Variants in F11 observed in about 807,000 individuals in gnomAD.
F11 encodes coagualtion factor XI.
F11 carries 78 observed loss-of-function variants against 76.5 expected under a neutral mutation model. The observed-to-expected ratio is 1.02, with a 90% CI of 0.85 to 1.23. The LOEUF is 1.23. Among genes scored for constraint, F11 ranks in the 50% most tolerant of loss-of-function variants. The pLI, the probability that F11 is intolerant of heterozygous loss-of-function variation, is 0.00. For synonymous variants in F11, 278 were observed against 276.3 expected, an observed-to-expected ratio of 1.01 and a Z score of -0.06; for missense variants, 742 against 771.4, an observed-to-expected ratio of 0.96 and a Z score of 0.45.
At position 186,286,258 on chromosome 4, in the gene F11, G is replaced by A. The variant is rs759892507; in HGVS notation, c.1481-157G>A. The A allele has an allele frequency of 4.7e-4, 331 of 710,748 alleles. 1 individual carries two copies. Among genetic ancestry groups the A allele is most frequent in the Non-Finnish European group, 6.9e-4 (282 of 409,540 alleles). 44.0% of individuals were successfully genotyped at this position (710,748 alleles called of 1,614,324 possible). ...CTCATCCTGGCACATGTGCGATATC[G>A]TGCTGAACCTGAGGGAGGAAAATAC... On this transcript the variant is annotated intron_variant, in intron 12 of 14. Coordinates refer to ENST00000403665, the MANE Select transcript of F11 (RefSeq NM_000128.4).
intron 4 of F11, among the ~76,000 whole-genome samples, chr4:186,273,663 G>A (rs1274352488): frequency 6.6e-6 from 1 of 152,140 alleles, no homozygotes; most frequent in Non-Finnish European, 1.5e-5. Context: ...GTATTGCCCA[G>A]GCTGGTCTCA....
rs1356438551 is a variant in F11, at chr4:186,269,862, TG to T, written c.56-1745del. On this transcript the variant is annotated intron_variant, in intron 2 of 14. Coordinates refer to ENST00000403665, the MANE Select transcript of F11 (RefSeq NM_000128.4). The stretch of plus-strand genomic sequence containing the variant: ...ATCAAAACTTTAAATAAACTGGAAA[TG>T]GAAGAGAACTTTCATCAGCTATTAA... 4.6e-5 allele frequency among the ~76,000 whole-genome samples: 7 copies of T among 152,134 alleles called. No individual in the cohort carries two copies. In the South Asian group the frequency reaches 8.3e-4, roughly 18 times the overall value.
downstream of F11, among the ~76,000 whole-genome samples, chr4:186,290,596 A>G (rs1424625043): frequency 6.6e-6 from 1 of 152,210 alleles, no homozygotes; most frequent in Non-Finnish European, 1.5e-5. Flanking sequence ...TGTTTTTAGT[A>G]TTTCACTTTG....
chr4:186,272,449 G>T (rs1483265614), intron 3 of F11, among the ~76,000 whole-genome samples: 1 of 152,106 alleles, frequency 6.6e-6, no homozygotes, highest in Non-Finnish European at 1.5e-5. Context: ...GCATTGGGTG[G>T]TTTGTCAGGT....
intron 6 of F11, 34 bp from the exon 7 acceptor site, chr4:186,276,197 A>G: frequency 6.2e-7 from 1 of 1,613,878 alleles, no homozygotes; most frequent in Non-Finnish European, 8.5e-7. Context: ...TAGCTGGTGA[A>G]TTGAGTCCCT....
chr4:186,272,499 C>T (rs1350316355), intron 3 of F11, among the ~76,000 whole-genome samples: 2 of 152,166 alleles, frequency 1.3e-5, no homozygotes, highest in Non-Finnish European at 2.9e-5. Context: ...TTTGTATTCC[C>T]ATCCTGAGCT....
At chr4:186,285,207 C>G (rs1296740980) in intron 11 of F11, among the ~76,000 whole-genome samples, 2 of 152,110 alleles carry the variant, frequency 1.3e-5, no homozygotes, top group Non-Finnish European at 2.9e-5. Context: ...AACTCAAGAA[C>G]ACATGTGAGG....
At chr4:186,279,660 G>A (rs761581933) in intron 7 of F11, among the ~76,000 whole-genome samples, 1 of 152,154 alleles carries the variant, frequency 6.6e-6, no homozygotes, top group Non-Finnish European at 1.5e-5. Context: ...TTGCAACCCT[G>A]GATAGGAGGT....
In F11 at chr4:186,287,720, C is replaced by G; in HGVS notation, c.1613C>G (p.Pro538Arg). 6.2e-7 allele frequency: 1 copy of G among 1,613,036 alleles called. No homozygotes were observed. Among genetic ancestry groups the G allele is most frequent in the South Asian group, 1.1e-5 (1 of 91,034 alleles). ...AATACTCTCCAGAAAGCCAAGATAC[C>G]CTTAGTGACCAACGAAGAGTGCCAG... ...IQNTLQKAKI[P>R]LVTNEECQKR... The change falls in exon 14 of 15, where the codon CCC becomes CGC. Residue 538 changes from proline (P) to arginine (R), a missense_variant. Coordinates refer to ENST00000403665, the MANE Select transcript of F11 (RefSeq NM_000128.4).
chr4:186,272,474 A>G (rs1266165244), intron 3 of F11, among the ~76,000 whole-genome samples: 1 of 152,186 alleles, frequency 6.6e-6, no homozygotes, highest in Admixed American at 6.5e-5. Flanking sequence ...AACATTTTAA[A>G]CAGTCCACCA....
At chr4:186,288,176 T>C (rs1246760863) in intron 14 of F11, among the ~76,000 whole-genome samples, 2 of 151,884 alleles carry the variant, frequency 1.3e-5, no homozygotes, top group African/African-American at 4.8e-5. Flanking sequence ...CCTCCCAAAG[T>C]GCTGGGATTA....
At chr4:186,285,452 G>A (rs1741122598) in intron 11 of F11, among the ~76,000 whole-genome samples, 186 bp from the exon 12 acceptor site, 2 of 151,958 alleles carry the variant, frequency 1.3e-5, no homozygotes, top group Non-Finnish European at 2.9e-5. Context: ...GTGTATAATG[G>A]ATTTTCTTTA....
At chr4:186,283,351 G>A (rs919035814) in intron 10 of F11, among the ~76,000 whole-genome samples, 4 of 152,086 alleles carry the variant, frequency 2.6e-5, no homozygotes, top group Middle Eastern at 3.4e-3. Context: ...TTCTTGTGTC[G>A]GGCATCCAGT....
Position 186,280,695 on chromosome 4 carries a change from A to C in F11, c.1135+115A>C. On this transcript the variant is annotated intron_variant, in intron 10 of 14. Transcript: ENST00000403665. ...AAGGGAGAACATTCAGGAAATAACA[A>C]ATTTTGCAATTTTCTATTATTTTCA... 3 of 977,102 alleles carry C rather than the reference A, an allele frequency of 3.1e-6. No homozygotes were observed. In the South Asian group the frequency reaches 4.2e-5, roughly 14 times the overall value. The allele number at this position is 977,102 out of a possible 1,614,324, so 60.5% of individuals were successfully genotyped here.
In F11 at chr4:186,280,346, T is replaced by G. The variant is rs746993032; in HGVS notation, c.989T>G (p.Phe330Cys). 2 of 1,614,070 alleles carry G rather than the reference T, an allele frequency of 1.2e-6. No individual in the cohort carries two copies. The highest frequency in any genetic ancestry group is 2.2e-5 in the South Asian group (2 of 91,078). ...LCTNAVRCQF[F>C]TYTPAQASCN... ...ACCAATGCCGTCCGCTGCCAGTTTT[T>G]TACCTATACCCCAGCCCAAGCATCC... is the stretch of plus-strand genomic sequence containing the variant. Residue 330 changes from phenylalanine to cysteine, a missense_variant, in exon 9 of 15, where the codon TTT (phenylalanine) becomes TGT (cysteine). Physicochemically the swap from Phe to Cys is radical, Grantham distance 205 (BLOSUM62 -2). Coordinates refer to ENST00000403665, the MANE Select transcript of F11 (RefSeq NM_000128.4).
At chr4:186,275,092 A>G in intron 5 of F11, 1 of 441,904 alleles carries the variant, frequency 2.3e-6, no homozygotes, top group South Asian at 1.6e-5. Context: ...GCTTATCTTT[A>G]GCTCAGCTCA....
At chr4:186,266,672 C>T (rs1217314085) in intron 1 of F11, among the ~76,000 whole-genome samples, 2 of 152,064 alleles carry the variant, frequency 1.3e-5, no homozygotes, top group Non-Finnish European at 2.9e-5. Flanking sequence ...ATTAATGTAT[C>T]AGCCACAGAC....
rs551152797 is a variant in F11, at chr4:186,286,741, G to T, written c.1576+231G>T. The T allele has an allele frequency of 1.7e-4, 164 of 978,786 alleles. 1 individual carries two copies. The African/African-American group carries it at 2.6e-3, about 16-fold the overall frequency. 60.6% of individuals were successfully genotyped at this position (978,786 alleles called of 1,614,324 possible). ...TCTTTAAAGACTAATTATATTTAAT[G>T]AAGTTTAATGTGAAGCCTAGCACTT... On this transcript the variant is annotated intron_variant, in intron 13 of 14. Coordinates refer to ENST00000403665, the MANE Select transcript of F11 (RefSeq NM_000128.4).
intron 10 of F11, chr4:186,282,685 C>A: frequency 1.0e-6 from 1 of 985,272 alleles, no homozygotes; most frequent in Non-Finnish European, 1.2e-6. Flanking sequence ...ACCTTTATGA[C>A]GCTTCCCACC....
Sources: gnomAD v4.1 joint callset for allele counts (sites outside exome capture counted in the v4.1 genomes callset) on GRCh38, gnomAD v4.1.1 for gene constraint, MANE v1.5 for transcripts, NCBI Gene and HGNC (gene_info 2026-07-23, HGNC 2026-07-21) for gene names.